The following RSU1 variants were observed in gnomAD, a reference collection of about 807,000 sequenced individuals.
The protein encoded by RSU1 is Ras suppressor protein 1, also known as rsu-1.
A neutral mutation model predicts 31.1 loss-of-function variants in RSU1; 26 were observed. The ratio of observed to expected loss-of-function variants is 0.84; its 90% CI spans 0.61 to 1.16. RSU1 has a LOEUF of 1.16. RSU1 is among the 50% of genes most tolerant of loss of function. RSU1 has a pLI of 0.00. For missense variants in RSU1, 320 were observed against 339.1 expected (o/e 0.94, Z 0.44); for synonymous variants, 164 against 136.3 (o/e 1.20, Z -1.41).
chr10:16,750,189 A>T (rs1257393392), intron 7 of RSU1, among the ~76,000 whole-genome samples: 1 of 152,138 alleles, frequency 6.6e-6, no homozygotes, highest in African/African-American at 2.4e-5. Context: ...ACTAATCTTG[A>T]CTTTTTAAAA....
At chr10:16,739,466 CTTTTT>C (rs35664560) in intron 7 of RSU1, among the ~76,000 whole-genome samples, 2 of 94,248 alleles carry the variant, frequency 2.1e-5, no homozygotes, top group African/African-American at 8.5e-5. Context: ...CATTTTCTTC[CTTTTT>C]TTTTTTTTTT....
Position 16,752,596 on chromosome 10 carries a change from G to A in RSU1, c.541C>T (p.Gln181Ter). The stretch of plus-strand genomic sequence containing the variant: ...CCCTGAATGTGGAGCTCTTTAAGCT[G>A]GGTAAGCTCCCCGATTTCCTTAGGC... The part of the protein sequence containing the change: ...SLPKEIGELT[Q>*]LKELHIQGNR... The change falls in exon 7 of 9, where the codon CAG becomes TAG. Residue 181 changes from glutamine (Q) to a stop codon, truncating the protein, a stop_gained. Transcript: ENST00000345264. LOFTEE classifies it high-confidence loss of function. 1.9e-6 allele frequency: 3 copies of A among 1,614,146 alleles called. No individual in the cohort carries two copies. Among genetic ancestry groups the A allele is most frequent in the Non-Finnish European group, 2.5e-6 (3 of 1,179,996 alleles).
At chr10:16,692,199 A>G (rs1156808867) in intron 8 of RSU1, among the ~76,000 whole-genome samples, 1 of 152,172 alleles carries the variant, frequency 6.6e-6, no homozygotes, top group African/African-American at 2.4e-5. Flanking sequence ...AGACATAAAA[A>G]CAGATATACC....
Position 16,805,837 on chromosome 10 carries a change from T to C in RSU1, c.109+11136A>G, listed in dbSNP as rs193148411. On this transcript the variant is annotated intron_variant, in intron 2 of 8. Transcript: ENST00000345264. ...TATTCCAATTCTATCATCACCCATA[T>C]CTGTAAGAGGCACGCTTCCGAGTGG... 1.8e-4 allele frequency among the ~76,000 whole-genome samples: 28 copies of C among 152,150 alleles called. No homozygotes were observed. In the East Asian group the frequency reaches 5.0e-3, roughly 27 times the overall value.
At chr10:16,800,259 G>C (rs1838124673) in intron 2 of RSU1, among the ~76,000 whole-genome samples, 1 of 152,158 alleles carries the variant, frequency 6.6e-6, no homozygotes, top group South Asian at 2.1e-4. Flanking sequence ...AGCACACTCG[G>C]ATATGGCAGA....
intron 8 of RSU1, among the ~76,000 whole-genome samples, chr10:16,665,661 T>C (rs1270043141): frequency 6.6e-6 from 1 of 152,228 alleles, no homozygotes; most frequent in African/African-American, 2.4e-5. Flanking sequence ...GTCTAAAATT[T>C]ATTCCTTAAA....
chr10:16,753,103 G>A, intron 5 of RSU1, 103 bp from the exon 6 acceptor site: 5 of 834,258 alleles, frequency 6.0e-6, no homozygotes, highest in Non-Finnish European at 7.8e-6. Flanking sequence ...CCCTGGCTTG[G>A]TGAAAAGCCT....
chr10:16,611,129 G>A (rs1473231240), intron 8 of RSU1, among the ~76,000 whole-genome samples: 1 of 152,178 alleles, frequency 6.6e-6, no homozygotes, highest in Admixed American at 6.5e-5. Flanking sequence ...CTCCCTGGGG[G>A]CTCAAGCAGC....
Position 16,593,326 on chromosome 10 carries a change from C to G in RSU1, c.*68G>C, listed in dbSNP as rs1190102653. The G allele has an allele frequency of 1.1e-5, 17 of 1,603,416 alleles. No homozygotes were observed. The highest frequency in any genetic ancestry group is 1.7e-4 in the Middle Eastern group (1 of 6,016). On this transcript the variant is annotated 3_prime_UTR_variant, in exon 9 of 9. Transcript: ENST00000345264. ...CGCAGCATTGGGTTTATTTGAGAGACAGGGCAAGAGAGAATGAAGTGTTGG... is the reference window on the plus strand; with the variant it reads ...CGCAGCATTGGGTTTATTTGAGAGAGAGGGCAAGAGAGAATGAAGTGTTGG...
chr10:16,775,735 C>T (rs1053853510), intron 3 of RSU1, among the ~76,000 whole-genome samples: 3 of 152,102 alleles, frequency 2.0e-5, no homozygotes, highest in African/African-American at 7.2e-5. Context: ...ACCTGACTAC[C>T]GGTACCATCA....
intron 2 of RSU1, among the ~76,000 whole-genome samples, chr10:16,806,693 CAT>C (rs1441471059): frequency 2.0e-5 from 3 of 152,250 alleles, no homozygotes; most frequent in South Asian, 2.1e-4. Flanking sequence ...AGAATACAAA[CAT>C]ATAATAAATT....
chr10:16,813,742 G>C (rs945695376), intron 2 of RSU1, among the ~76,000 whole-genome samples: 1 of 152,178 alleles, frequency 6.6e-6, no homozygotes, highest in Non-Finnish European at 1.5e-5. Flanking sequence ...CTCATGGTAG[G>C]AAGTGAGCAT....
intron 7 of RSU1, among the ~76,000 whole-genome samples, chr10:16,735,582 T>C (rs1836609242): frequency 6.6e-6 from 1 of 152,204 alleles, no homozygotes; most frequent in African/African-American, 2.4e-5. Flanking sequence ...TACCCAAGAC[T>C]ACATAATTTA....
At chr10:16,809,110 A>G (rs1362090582) in intron 2 of RSU1, among the ~76,000 whole-genome samples, 1 of 152,226 alleles carries the variant, frequency 6.6e-6, no homozygotes, top group Non-Finnish European at 1.5e-5. Context: ...TATTAATCCT[A>G]TTATTGGCCT....
chr10:16,755,314 G>T (rs1452494323), intron 4 of RSU1, among the ~76,000 whole-genome samples: 1 of 151,850 alleles, frequency 6.6e-6, no homozygotes, highest in East Asian at 1.9e-4. Context: ...GCAGAGATGG[G>T]GTTTTGCCAT....
At chr10:16,728,212 C>G (rs959554085) in intron 7 of RSU1, among the ~76,000 whole-genome samples, 2 of 152,146 alleles carry the variant, frequency 1.3e-5, no homozygotes, top group African/African-American at 4.8e-5. Context: ...CCTGTTACAA[C>G]AGCGAAAAGC....
intron 2 of RSU1, among the ~76,000 whole-genome samples, chr10:16,805,008 G>A (rs1293663006): frequency 2.0e-5 from 3 of 152,034 alleles, no homozygotes; most frequent in Non-Finnish European, 2.9e-5. Context: ...CAACAGCCTG[G>A]CTAACTTGGT....
At chr10:16,765,963 G>A (rs543224257) in intron 3 of RSU1, among the ~76,000 whole-genome samples, 2 of 152,276 alleles carry the variant, frequency 1.3e-5, no homozygotes, top group East Asian at 1.9e-4. Flanking sequence ...ATTTCAAGAC[G>A]ACCAATTGAT....
At chr10:16,628,621 T>C (rs934963345) in intron 8 of RSU1, among the ~76,000 whole-genome samples, 3 of 152,214 alleles carry the variant, frequency 2.0e-5, no homozygotes, top group African/African-American at 7.2e-5. Flanking sequence ...ATATTTTTTC[T>C]CAACAAGAGA....
Sources: allele counts gnomAD v4.1 joint callset (sites outside exome capture counted in the v4.1 genomes callset), GRCh38; gene constraint gnomAD v4.1.1; transcripts MANE v1.5; gene names NCBI Gene and HGNC (gene_info 2026-07-23, HGNC 2026-07-21).